ATP9A: variants seen among roughly 807,000 people sequenced by gnomAD.
The protein encoded by ATP9A is probable phospholipid-transporting ATPase IIA.
In ATP9A, 52 loss-of-function variants were observed where a neutral mutation model predicts 144.1. That is an observed-to-expected ratio of 0.36 (90% CI 0.29 to 0.45). The LOEUF (loss-of-function observed/expected upper bound fraction) is 0.45, where lower values mean the gene tolerates loss of function less well. ATP9A is among the 20% of genes least tolerant of loss of function. The probability of loss-of-function intolerance (pLI) is 1.00; values close to 1 mark genes in which losing one functional copy is unlikely to be tolerated. For synonymous variants in ATP9A, 582 were observed against 557.4 expected (o/e 1.04, Z -0.62); for missense variants, 947 against 1,392.7 (o/e 0.68, Z 5.09).
intron 13 of ATP9A, among the ~76,000 whole-genome samples, chr20:51,658,967 A>G (rs572542440): frequency 4.7e-4 from 66 of 140,002 alleles, no homozygotes; most frequent in African/African-American, 1.7e-3. Context: ...CTGCATCTCC[A>G]GCTGTCCCTC....
chr20:51,699,569 C>T (rs544925041), intron 4 of ATP9A, among the ~76,000 whole-genome samples: 37 of 152,136 alleles, frequency 2.4e-4, no homozygotes, highest in African/African-American at 8.9e-4. Flanking sequence ...TTTTGTGTGT[C>T]GTTAAATCTT....
intron 3 of ATP9A, among the ~76,000 whole-genome samples, chr20:51,720,742 G>A (rs2077685244): frequency 6.6e-6 from 1 of 152,208 alleles, no homozygotes; most frequent in Admixed American, 6.5e-5. Context: ...GCTGAGGCAT[G>A]AGAATCGTTT....
intron 15 of ATP9A, among the ~76,000 whole-genome samples, chr20:51,631,106 G>C (rs534934423): frequency 6.6e-6 from 1 of 152,308 alleles, no homozygotes; most frequent in Admixed American, 6.5e-5. Context: ...TTTGGTTTCA[G>C]GCTCCTTTGG....
At chr20:51,665,806 C>A (rs909449336) in intron 13 of ATP9A, among the ~76,000 whole-genome samples, 3 of 151,862 alleles carry the variant, frequency 2.0e-5, no homozygotes, top group African/African-American at 7.3e-5. Context: ...ATAGTTTTCT[C>A]TCCTAATGTG....
intron 13 of ATP9A, among the ~76,000 whole-genome samples, chr20:51,665,725 A>C (rs74352666): frequency 2.7e-5 from 1 of 36,588 alleles, no homozygotes. Context: ...ACTTCGTCTC[A>C]AAAAAAAAAA....
At chr20:51,670,586 C>A (rs973914354) in intron 12 of ATP9A, among the ~76,000 whole-genome samples, 2 of 152,092 alleles carry the variant, frequency 1.3e-5, no homozygotes, top group Non-Finnish European at 2.9e-5. Context: ...TTTGGTGAGC[C>A]GCCCAGGATC....
intron 16 of ATP9A, 96 bp from the exon 17 acceptor site, chr20:51,627,779 G>T: frequency 1.0e-6 from 1 of 999,200 alleles, no homozygotes; most frequent in African/African-American, 1.6e-5. Flanking sequence ...CCCTCCCACA[G>T]GGTCAGAGAA....
Position 51,601,071 on chromosome 20 carries a change from G to T in ATP9A, c.*140C>A. Reference sequence around the variant, plus strand: ...GATGCAGCGTTAGGACTCCGTTTAGGCGCAGAGCCACTTCCCATTAAAACT... The same window carrying T: ...GATGCAGCGTTAGGACTCCGTTTAGTCGCAGAGCCACTTCCCATTAAAACT... On this transcript the variant is annotated 3_prime_UTR_variant, in exon 28 of 28. Transcript: ENST00000338821. 1 of 1,088,660 alleles carries T rather than the reference G, an allele frequency of 9.2e-7. No individual in the cohort carries two copies. The highest frequency in any genetic ancestry group is 1.3e-6 in the Non-Finnish European group (1 of 789,874). The allele number at this position is 1,088,660 out of a possible 1,614,324, so 67.4% of individuals were successfully genotyped here.
intron 9 of ATP9A, among the ~76,000 whole-genome samples, chr20:51,681,243 T>C (rs1601100586): frequency 6.6e-6 from 1 of 152,188 alleles, no homozygotes. Flanking sequence ...AAGTAAGTGA[T>C]AAGTGAAGAC....
At chr20:51,625,932 C>T (rs140623128) in intron 17 of ATP9A, among the ~76,000 whole-genome samples, 88 of 152,302 alleles carry the variant, frequency 5.8e-4, no homozygotes, top group African/African-American at 2.1e-3. Flanking sequence ...GGCTAAAATG[C>T]TTGTTAAATA....
At chr20:51,602,551 C>T (rs751174653) in intron 27 of ATP9A, among the ~76,000 whole-genome samples, 2 of 152,234 alleles carry the variant, frequency 1.3e-5, no homozygotes, top group Non-Finnish European at 2.9e-5. Context: ...TGCTTTAAAA[C>T]TCCACTGTTC....
At position 51,671,154 on chromosome 20, in the gene ATP9A, G is replaced by A; in HGVS notation, c.1141C>T (p.Gln381Ter). The A allele has an allele frequency of 6.2e-7, 1 of 1,614,110 alleles. No individual in the cohort carries two copies. The highest frequency in any genetic ancestry group is 8.5e-7 in the Non-Finnish European group (1 of 1,179,996). The change falls in exon 12 of 28, where the codon CAG becomes TAG. Residue 381 changes from glutamine (Q) to a stop codon, truncating the protein, a stop_gained. Transcript: ENST00000338821. LOFTEE classifies it high-confidence loss of function. Reference sequence around the variant, plus strand: ...AGTAAGTACGAAATCCTGCCCAGCTGCTCAGGAATCGTGCTGGAGCGAACC... The same window carrying A: ...AGTAAGTACGAAATCCTGCCCAGCTACTCAGGAATCGTGCTGGAGCGAACC... ...TVVRSSTIPE[Q>*]LGRISYLLTD... is the part of the protein sequence containing the mutation.
At chr20:51,671,092 G>T in intron 12 of ATP9A, 23 bp downstream of exon 12, 2 of 1,608,550 alleles carry the variant, frequency 1.2e-6, no homozygotes, top group South Asian at 2.2e-5. Flanking sequence ...GGAATCCTGC[G>T]CAGGTCCCAG....
chr20:51,694,174 G>T, intron 6 of ATP9A, 72 bp from the exon 7 acceptor site: 1 of 1,204,906 alleles, frequency 8.3e-7, no homozygotes, highest in Non-Finnish European at 1.2e-6. Context: ...GGCAGCGTCT[G>T]CTCTGGTCCT....
intron 13 of ATP9A, among the ~76,000 whole-genome samples, 195 bp downstream of exon 13, chr20:51,669,802 A>G (rs1208821432): frequency 6.6e-6 from 1 of 152,128 alleles, no homozygotes; most frequent in African/African-American, 2.4e-5. Flanking sequence ...GCTGATGGGT[A>G]GAGGGCTTCT....
intron 1 of ATP9A, among the ~76,000 whole-genome samples, chr20:51,747,365 G>A (rs1382325082): frequency 6.6e-6 from 1 of 152,098 alleles, no homozygotes; most frequent in African/African-American, 2.4e-5. Context: ...TATGGGAGAT[G>A]CACGAGGATG....
At chr20:51,761,968 C>A (rs1233857864) in intron 1 of ATP9A, among the ~76,000 whole-genome samples, 2 of 152,082 alleles carry the variant, frequency 1.3e-5, no homozygotes. Flanking sequence ...TGGCTCATGG[C>A]CCCTTCTTCC....
chr20:51,763,220 C>T (rs2077888904), intron 1 of ATP9A, among the ~76,000 whole-genome samples: 1 of 151,292 alleles, frequency 6.6e-6, no homozygotes, highest in South Asian at 2.1e-4. Flanking sequence ...CTGGAGGAGA[C>T]TTTCGGAGGT....
intron 1 of ATP9A, among the ~76,000 whole-genome samples, chr20:51,753,945 T>TA (rs1267571811): frequency 1.3e-5 from 2 of 151,946 alleles, no homozygotes; most frequent in Non-Finnish European, 2.9e-5. Flanking sequence ...AGTGCTGGGT[T>TA]ACAGGCACGA....
Sources: allele counts gnomAD v4.1 joint callset (sites outside exome capture counted in the v4.1 genomes callset), GRCh38; gene constraint gnomAD v4.1.1; transcripts MANE v1.5; gene names NCBI Gene and HGNC (gene_info 2026-07-23, HGNC 2026-07-21).